Variants in ARB2A observed in about 807,000 individuals in gnomAD.
ARB2A encodes cotranscriptional regulator ARB2A.
the ARB2A span, among the ~76,000 whole-genome samples, chr5:93,832,099 G>A: frequency 6.6e-6 from 1 of 152,126 alleles, no homozygotes; most frequent in South Asian, 2.1e-4. Flanking sequence ...AATCAACCTT[G>A]CTAGCAGGGC....
the ARB2A span, among the ~76,000 whole-genome samples, chr5:93,849,926 T>C: frequency 3.3e-5 from 5 of 152,202 alleles, no homozygotes; most frequent in African/African-American, 9.6e-5. Flanking sequence ...ATTTTTCAAG[T>C]GCTTACTCTG....
At chr5:93,958,591 G>C in the ARB2A span, among the ~76,000 whole-genome samples, 112 of 152,094 alleles carry the variant, frequency 7.4e-4, no homozygotes, top group African/African-American at 2.6e-3. Context: ...GTATGCTCAA[G>C]ATGCCACTTT....
At chr5:93,690,365 G>C in the ARB2A span, among the ~76,000 whole-genome samples, 4 of 152,144 alleles carry the variant, frequency 2.6e-5, no homozygotes, top group East Asian at 3.9e-4. Context: ...CAGCTTGGTG[G>C]GGGGAAGGGT....
At chr5:94,066,422 GCACACACA>G in the ARB2A span, among the ~76,000 whole-genome samples, 369 of 132,516 alleles carry the variant, frequency 2.8e-3, no homozygotes, top group African/African-American at 3.9e-3. Flanking sequence ...GCCAGACTAA[GCACACACA>G]CACACACACA....
the ARB2A span, among the ~76,000 whole-genome samples, chr5:94,069,453 A>G: frequency 1.3e-5 from 2 of 152,206 alleles, no homozygotes; most frequent in African/African-American, 4.8e-5. Context: ...TAAACTAAAC[A>G]GCTCCTACAC....
chr5:93,812,509 C>A, the ARB2A span, among the ~76,000 whole-genome samples: 3 of 152,014 alleles, frequency 2.0e-5, no homozygotes, highest in Non-Finnish European at 4.4e-5. Flanking sequence ...GGGATTTCTA[C>A]GGTAGGAGAA....
the ARB2A span, among the ~76,000 whole-genome samples, chr5:93,928,351 C>G: frequency 6.6e-6 from 1 of 152,146 alleles, no homozygotes; most frequent in Non-Finnish European, 1.5e-5. Flanking sequence ...AATTCAAATT[C>G]ATCCATAGGC....
the ARB2A span, chr5:93,964,401 T>G: frequency 7.7e-7 from 1 of 1,296,196 alleles, no homozygotes; most frequent in African/African-American, 1.5e-5. Context: ...TAAAAACTAT[T>G]TTACTTGGAA....
chr5:94,039,187 T>G, the ARB2A span, among the ~76,000 whole-genome samples: 2 of 152,248 alleles, frequency 1.3e-5, no homozygotes, highest in African/African-American at 4.8e-5. Context: ...AGTTTGAATG[T>G]AAGTGTCAGA....
At chr5:94,084,313 T>G in the ARB2A span, among the ~76,000 whole-genome samples, 5 of 137,366 alleles carry the variant, frequency 3.6e-5, no homozygotes, top group East Asian at 1.1e-3. Context: ...ATAGCAAAAA[T>G]TAAAAACTTA....
the ARB2A span, chr5:93,776,138 T>C: frequency 1.7e-5 from 26 of 1,572,746 alleles, no homozygotes; most frequent in African/African-American, 3.0e-4. Context: ...AGCAATCATA[T>C]ATCTCTCATC....
At chr5:93,731,905 G>T in the ARB2A span, among the ~76,000 whole-genome samples, 1 of 152,176 alleles carries the variant, frequency 6.6e-6, no homozygotes, top group Non-Finnish European at 1.5e-5. Flanking sequence ...ACAGTCTTTG[G>T]CAATAGAAGA....
the ARB2A span, among the ~76,000 whole-genome samples, chr5:93,775,999 T>C: frequency 6.6e-6 from 1 of 152,256 alleles, no homozygotes; most frequent in African/African-American, 2.4e-5. Flanking sequence ...TTAACAAATA[T>C]GTGATAGTGG....
At chr5:93,853,005 T>A in the ARB2A span, among the ~76,000 whole-genome samples, 1 of 152,222 alleles carries the variant, frequency 6.6e-6, no homozygotes, top group Non-Finnish European at 1.5e-5. Flanking sequence ...AAGTCATTGG[T>A]AGCTTGATGG....
chr5:93,796,716 C>A, the ARB2A span, among the ~76,000 whole-genome samples: 1 of 152,142 alleles, frequency 6.6e-6, no homozygotes, highest in Non-Finnish European at 1.5e-5. Context: ...ACTTCCCAAC[C>A]AACAAATGTG....
the ARB2A span, among the ~76,000 whole-genome samples, chr5:93,954,062 C>G: frequency 6.6e-6 from 1 of 152,122 alleles, no homozygotes; most frequent in African/African-American, 2.4e-5. Context: ...AGAAATACTG[C>G]CCAAGAGTCA....
At chr5:93,663,536 C>T in the ARB2A span, among the ~76,000 whole-genome samples, 1 of 152,116 alleles carries the variant, frequency 6.6e-6, no homozygotes, top group Non-Finnish European at 1.5e-5. Flanking sequence ...TGAATATACA[C>T]CCATCTCTCC....
the ARB2A span, among the ~76,000 whole-genome samples, chr5:93,725,036 G>A: frequency 6.6e-6 from 1 of 152,018 alleles, no homozygotes; most frequent in African/African-American, 2.4e-5. Context: ...GGACAGAGTA[G>A]GATAGCGTAA....
the ARB2A span, among the ~76,000 whole-genome samples, chr5:93,972,775 T>C: frequency 6.6e-6 from 1 of 152,106 alleles, no homozygotes; most frequent in South Asian, 2.1e-4. Context: ...CTTCTGGTAT[T>C]GAAAAATTCA....
Sources: allele counts gnomAD v4.1 joint callset (sites outside exome capture counted in the v4.1 genomes callset), GRCh38; gene constraint gnomAD v4.1.1; transcripts MANE v1.5; gene names NCBI Gene and HGNC (gene_info 2026-07-23, HGNC 2026-07-21).